The following WASHC2C variants were observed in gnomAD, a reference collection of about 807,000 sequenced individuals.
The protein encoded by WASHC2C is WASH complex subunit 2C, also known as Vaccinia Penetration Factor.
A neutral mutation model predicts 142.2 loss-of-function variants in WASHC2C; 73 were observed. That is an observed-to-expected ratio of 0.51 (90% CI 0.43 to 0.62). WASHC2C has a LOEUF of 0.62. WASHC2C is among the 20% of genes least tolerant of loss of function. The pLI is 0.00. For synonymous variants in WASHC2C, 337 were observed against 565.5 expected (o/e 0.60, Z 5.73); for missense variants, 969 against 1,531.7 (o/e 0.63, Z 6.13).
intron 13 of WASHC2C, 148 bp from the exon 14 acceptor site, chr10:45,754,338 A>G: frequency 3.3e-6 from 5 of 1,512,672 alleles, no homozygotes; most frequent in African/African-American, 1.4e-5. Context: ...AGAAAATACT[A>G]AGGAATTTTA....
chr10:45,761,223 C>T (rs1373380576), intron 17 of WASHC2C, among the ~76,000 whole-genome samples: 1 of 151,988 alleles, frequency 6.6e-6, no homozygotes, highest in East Asian at 1.9e-4. Flanking sequence ...CTCACTAGCC[C>T]TGTGTGGCTC....
In WASHC2C at chr10:45,788,854, T is replaced by G. The variant is rs1184492031; in HGVS notation, c.3088-17T>G. On this transcript the variant is annotated splice_polypyrimidine_tract_variant and intron_variant, in intron 28 of 30. Transcript: ENST00000623400. The stretch of plus-strand genomic sequence containing the variant: ...TATTTTATCGTCAGATCAATGTATG[T>G]TTTTTTGCCGTTGCAGAGCCGTGTC... 1.9e-6 allele frequency: 3 copies of G among 1,611,904 alleles called. No homozygotes were observed. The highest frequency in any genetic ancestry group is 2.7e-5 in the African/African-American group (2 of 74,862).
intron 15 of WASHC2C, among the ~76,000 whole-genome samples, chr10:45,755,327 A>G (rs1173198299): frequency 6.6e-6 from 1 of 152,304 alleles, no homozygotes; most frequent in East Asian, 1.9e-4. Flanking sequence ...TAAGCTAATT[A>G]CTATGATTAT....
chr10:45,733,796 C>A (rs2050886466), intron 3 of WASHC2C, among the ~76,000 whole-genome samples: 1 of 151,932 alleles, frequency 6.6e-6, no homozygotes, highest in African/African-American at 2.4e-5. Context: ...CAAAGTAATC[C>A]CTGATCTTTA....
At position 45,735,721 on chromosome 10, in the gene WASHC2C, G is replaced by A. The variant is rs192937729; in HGVS notation, c.292-2262G>A. On this transcript the variant is annotated intron_variant, in intron 3 of 30. Coordinates refer to ENST00000623400, the MANE Select transcript of WASHC2C (RefSeq NM_001330074.2). ...TTTCATGGGAGCTAAATTTCAAGAA[G>A]TAGAATTTTGGGTCAGAGGATATGA... 4.4e-3 allele frequency among the ~76,000 whole-genome samples: 670 copies of A among 152,304 alleles called. 7 individuals are homozygous for A. Among genetic ancestry groups the A allele is most frequent in the African/African-American group, 0.015 (640 of 41,562 alleles).
intron 11 of WASHC2C, among the ~76,000 whole-genome samples, chr10:45,751,778 C>A (rs1554874725): frequency 6.6e-6 from 1 of 152,110 alleles, no homozygotes; most frequent in African/African-American, 2.4e-5. Context: ...GAGTTTAAGA[C>A]CAGCCTGGCC....
intron 14 of WASHC2C, 116 bp downstream of exon 14, chr10:45,754,661 G>A (rs2054018421): frequency 2.9e-6 from 3 of 1,039,890 alleles, no homozygotes; most frequent in East Asian, 2.6e-5. Context: ...AGCTTCAAAG[G>A]GCTTTGAGCA....
intron 17 of WASHC2C, among the ~76,000 whole-genome samples, chr10:45,762,471 T>C (rs1248640248): frequency 2.0e-5 from 3 of 152,122 alleles, no homozygotes; most frequent in African/African-American, 4.8e-5. Flanking sequence ...GCTGGGATTA[T>C]AGACATGAGC....
chr10:45,754,218 C>T (rs538334158), intron 13 of WASHC2C, among the ~76,000 whole-genome samples: 37 of 136,442 alleles, frequency 2.7e-4, no homozygotes, highest in South Asian at 8.6e-4. Context: ...CCCTTGGTGT[C>T]CCCCAGCTGA....
At chr10:45,752,464 C>T (rs2053721415) in intron 11 of WASHC2C, 124 bp from the exon 12 acceptor site, 2 of 790,930 alleles carry the variant, frequency 2.5e-6, no homozygotes, top group African/African-American at 3.4e-5. Flanking sequence ...CTGCCTCACA[C>T]TTTGTTAAAT....
At chr10:45,787,405 A>AC (rs1295767717) in intron 28 of WASHC2C, among the ~76,000 whole-genome samples, 158 bp downstream of exon 28, 2 of 88,614 alleles carry the variant, frequency 2.3e-5, no homozygotes, top group Non-Finnish European at 4.8e-5. Context: ...CATTCTCCCC[A>AC]CCCCCCTCAT....
chr10:45,727,149 T>G, upstream of WASHC2C: 2 of 1,432,896 alleles, frequency 1.4e-6, no homozygotes, highest in Non-Finnish European at 9.1e-7. Context: ...TTCCGCAGCT[T>G]CCTCCCCTCA....
intron 2 of WASHC2C, among the ~76,000 whole-genome samples, chr10:45,728,373 A>T (rs1486786162): frequency 6.6e-6 from 1 of 152,164 alleles, no homozygotes; most frequent in Non-Finnish European, 1.5e-5. Context: ...ATAGGTGTCC[A>T]TTAGCTCACT....
chr10:45,743,633 GT>G, intron 6 of WASHC2C, 150 bp downstream of exon 6: 1 of 908,656 alleles, frequency 1.1e-6, no homozygotes, highest in Non-Finnish European at 1.6e-6. Context: ...CACCACATTT[GT>G]TAGATTGTTC....
intron 21 of WASHC2C, among the ~76,000 whole-genome samples, 179 bp downstream of exon 21, chr10:45,773,537 G>C (rs1386429425): frequency 2.6e-5 from 4 of 152,292 alleles, no homozygotes; most frequent in Non-Finnish European, 2.9e-5. Flanking sequence ...AGAAGCACAC[G>C]TGCAAAGCCA....
intron 4 of WASHC2C, among the ~76,000 whole-genome samples, chr10:45,738,895 C>T (rs567449597): frequency 1.1e-3 from 170 of 152,208 alleles, no homozygotes; most frequent in African/African-American, 3.8e-3. Context: ...ATTGTAGAGA[C>T]GGGGTTTCGC....
chr10:45,751,307 CTT>C (rs1313161066), intron 10 of WASHC2C, among the ~76,000 whole-genome samples, 173 bp from the exon 11 acceptor site: 1 of 148,300 alleles, frequency 6.7e-6, no homozygotes, highest in Non-Finnish European at 1.5e-5. Context: ...CAAAGAGACT[CTT>C]GAGTGCCCAC....
intron 29 of WASHC2C, 147 bp downstream of exon 29, chr10:45,789,638 T>A: frequency 4.1e-6 from 6 of 1,463,768 alleles, no homozygotes; most frequent in Non-Finnish European, 5.6e-6. Flanking sequence ...CTTTTATTAA[T>A]AAGTCTAACA....
chr10:45,769,619 G>A lies in WASHC2C; in HGVS notation c.2039+1G>A. ...ATCTTTTTGCCATTGCCAAGGACAG[G>A]TGAGATAGTCATTGGAAGGAGTCCC... is the stretch of plus-strand genomic sequence containing the variant. On this transcript the variant is annotated splice_donor_variant, in intron 20 of 30. Transcript: ENST00000623400. LOFTEE classifies it high-confidence loss of function. The A allele has an allele frequency of 6.2e-7, 1 of 1,611,940 alleles. No individual in the cohort carries two copies. Among genetic ancestry groups the A allele is most frequent in the Middle Eastern group, 2.3e-4 (1 of 4,430 alleles).
Sources: gnomAD v4.1 joint callset for allele counts (sites outside exome capture counted in the v4.1 genomes callset) on GRCh38, gnomAD v4.1.1 for gene constraint, MANE v1.5 for transcripts, NCBI Gene and HGNC (gene_info 2026-07-23, HGNC 2026-07-21) for gene names.